CPSF3: variants seen among roughly 807,000 people sequenced by gnomAD.
CPSF3 encodes cleavage and polyadenylation specific factor 3.
In CPSF3, 57 loss-of-function variants were observed where a neutral mutation model predicts 84.1. The ratio of observed to expected loss-of-function variants is 0.68; its 90% CI spans 0.55 to 0.85. CPSF3 has a LOEUF of 0.85. Among genes scored for constraint, CPSF3 ranks in the 40% least tolerant of loss-of-function variants. The pLI is 0.00. For synonymous variants in CPSF3, 275 were observed against 278.1 expected (o/e 0.99, Z 0.11); for missense variants, 522 against 838.8 (o/e 0.62, Z 4.66).
chr2:9,469,688 C>CT (rs1487232154), intron 16 of CPSF3, among the ~76,000 whole-genome samples: 4 of 152,072 alleles, frequency 2.6e-5, no homozygotes, highest in African/African-American at 9.7e-5. Flanking sequence ...CTATTCAACT[C>CT]TGAGGAACAG....
chr2:9,464,052 A>G (rs2124864446), intron 15 of CPSF3, among the ~76,000 whole-genome samples: 1 of 151,198 alleles, frequency 6.6e-6, no homozygotes, highest in East Asian at 1.9e-4. Context: ...CACAACTTGT[A>G]TTTGTATCTG....
chr2:9,442,103 C>T (rs1019473974), intron 9 of CPSF3, 127 bp downstream of exon 9: 99 of 927,158 alleles, frequency 1.1e-4, no homozygotes, highest in Admixed American at 1.1e-4. Context: ...AAAATGAGGA[C>T]GGGAATAGGT....
chr2:9,452,970 C>T lies in CPSF3; in HGVS notation c.1453C>T (p.Leu485Phe), dbSNP rs147016409. ...ACAAGGCCAGCGGGTCTCAGGAATA[C>T]TTGTTAAAAGAAACTTTAATTATCA... ...PEQGQRVSGI[L>F]VKRNFNYHIL... The change falls in exon 12 of 18, where the codon CTT (leucine) becomes TTT (phenylalanine). Residue 485 changes from leucine to phenylalanine, a missense_variant. By Grantham distance (22) the Leu-to-Phe change is conservative. Transcript: ENST00000238112. 2 of 1,612,334 alleles carry T rather than the reference C, an allele frequency of 1.2e-6. No individual in the cohort carries two copies. The highest frequency in any genetic ancestry group is 1.7e-6 in the Non-Finnish European group (2 of 1,179,532).
chr2:9,427,801 A>C (rs2148933118), intron 1 of CPSF3, among the ~76,000 whole-genome samples: 1 of 152,300 alleles, frequency 6.6e-6, no homozygotes, highest in East Asian at 1.9e-4. Flanking sequence ...GGGAAAAGGC[A>C]TCAAAGAAGG....
intron 10 of CPSF3, among the ~76,000 whole-genome samples, chr2:9,446,115 G>C (rs1464652147): frequency 2.0e-5 from 3 of 152,186 alleles, no homozygotes; most frequent in Non-Finnish European, 4.4e-5. Context: ...CCACGTGCTG[G>C]TGCTGGCTAT....
At position 9,448,314 on chromosome 2, in the gene CPSF3, A is replaced by C; in HGVS notation, c.1359A>C (p.Ala453=). The C allele has an allele frequency of 6.2e-7, 1 of 1,613,518 alleles. No homozygotes were observed. Among genetic ancestry groups the C allele is most frequent in the Non-Finnish European group, 8.5e-7 (1 of 1,179,726 alleles). Residue 453 remains alanine (A), a synonymous_variant, in exon 11 of 18, where the codon GCA becomes GCC. Transcript: ENST00000238112. The part of the protein sequence containing the change: ...IEVHNPRNTE[A]VTLNFRGEKL... Reference sequence around the variant, plus strand: ...TTCATAATCCTCGGAATACAGAAGCAGTGACCTTAAACTTCAGAGGAGAAA... The same window carrying C: ...TTCATAATCCTCGGAATACAGAAGCCGTGACCTTAAACTTCAGAGGAGAAA...
chr2:9,473,100 G>T lies in CPSF3; in HGVS notation c.*83G>T. On this transcript the variant is annotated 3_prime_UTR_variant, in exon 18 of 18. Coordinates refer to ENST00000238112, the MANE Select transcript of CPSF3 (RefSeq NM_016207.4). ...ATAAAATGCATTCGTTTCTCTGGGG[G>T]AGCCTGTTTACTTTTAATGTCAAAT... The T allele has an allele frequency of 1.1e-6, 1 of 947,328 alleles. No individual in the cohort carries two copies. Among genetic ancestry groups the T allele is most frequent in the Non-Finnish European group, 1.6e-6 (1 of 615,802 alleles). 58.7% of individuals were successfully genotyped at this position (947,328 alleles called of 1,614,324 possible). A position where few individuals can be genotyped will look rare whatever the true frequency, so the allele number is the denominator to read the frequency against.
chr2:9,440,034 A>G (rs1370909339), intron 7 of CPSF3, among the ~76,000 whole-genome samples: 1 of 152,172 alleles, frequency 6.6e-6, no homozygotes, highest in Non-Finnish European at 1.5e-5. Context: ...TTAAGTGTTC[A>G]AAATCGGTTA....
intron 7 of CPSF3, among the ~76,000 whole-genome samples, chr2:9,440,025 T>C (rs1224763809): frequency 6.6e-6 from 1 of 152,058 alleles, no homozygotes; most frequent in Non-Finnish European, 1.5e-5. Flanking sequence ...ACTTTTTTTT[T>C]AAGTGTTCAA....
intron 10 of CPSF3, among the ~76,000 whole-genome samples, chr2:9,446,580 C>CAAAA (rs71389245): frequency 4.5e-5 from 4 of 89,148 alleles, no homozygotes; most frequent in Non-Finnish European, 8.5e-5. Context: ...GACTCGGTCT[C>CAAAA]AAAAAAAAAA....
chr2:9,470,561 C>T (rs573625298), intron 16 of CPSF3, among the ~76,000 whole-genome samples: 24 of 152,226 alleles, frequency 1.6e-4, no homozygotes, highest in Non-Finnish European at 2.5e-4. Context: ...CCTTCTTTAT[C>T]CCCAGCTACT....
At chr2:9,435,621 T>C (rs1225993672) in intron 6 of CPSF3, among the ~76,000 whole-genome samples, 1 of 151,722 alleles carries the variant, frequency 6.6e-6, no homozygotes, top group Non-Finnish European at 1.5e-5. Flanking sequence ...CGGGGTTTCA[T>C]CCTGTTGGTC....
chr2:9,429,389 G>C (rs950101712), intron 2 of CPSF3, among the ~76,000 whole-genome samples: 67 of 152,324 alleles, frequency 4.4e-4, no homozygotes, highest in African/African-American at 1.6e-3. Flanking sequence ...AATCTGAAAA[G>C]AACATGTATA....
At chr2:9,453,122 C>A (rs1681395804) in intron 12 of CPSF3, 101 bp downstream of exon 12, 1 of 668,722 alleles carries the variant, frequency 1.5e-6, no homozygotes, top group Non-Finnish European at 2.4e-6. Flanking sequence ...ATGTAATAGA[C>A]AAATAATAAA....
chr2:9,430,015 T>C lies in CPSF3; in HGVS notation c.207T>C (p.Ile69=), dbSNP rs1680525633. Residue 69 remains isoleucine (I), a synonymous_variant, in exon 3 of 18, where the codon ATT becomes ATC. Coordinates refer to ENST00000238112, the MANE Select transcript of CPSF3 (RefSeq NM_016207.4). ...IDPAEIDLLL[I]SHFHLDHCGA... is the part of the protein sequence containing the mutation. ...CAGCTGAGATTGATCTCCTATTAAT[T>C]AGTCAGTAAGTTTTTCCCTTTATTA... is the stretch of plus-strand genomic sequence containing the variant. 1 of 1,538,086 alleles carries C rather than the reference T, an allele frequency of 6.5e-7. No individual in the cohort carries two copies. The highest frequency in any genetic ancestry group is 8.8e-7 in the Non-Finnish European group (1 of 1,137,522).
chr2:9,449,889 C>T (rs916890548), intron 11 of CPSF3, among the ~76,000 whole-genome samples: 10 of 152,136 alleles, frequency 6.6e-5, no homozygotes, highest in Admixed American at 1.3e-4. Context: ...GATCACAACT[C>T]GTTTAGAAAT....
chr2:9,424,753 G>C (rs1458703346), intron 1 of CPSF3: 1 of 152,196 alleles, frequency 6.6e-6, no homozygotes, highest in Non-Finnish European at 1.5e-5. Flanking sequence ...ACGCAACAGA[G>C]GGCCCAGTTA....
intron 15 of CPSF3, among the ~76,000 whole-genome samples, chr2:9,463,366 A>G (rs1681797409): frequency 6.6e-6 from 1 of 152,240 alleles, no homozygotes; most frequent in Non-Finnish European, 1.5e-5. Flanking sequence ...CAGGTGGCAG[A>G]CAGTGGCTCA....
chr2:9,467,982 C>T, intron 16 of CPSF3: 1 of 467,148 alleles, frequency 2.1e-6, no homozygotes. Flanking sequence ...CTAGGTCAGC[C>T]GTTTGTGTTT....
Sources: allele counts gnomAD v4.1 joint callset (sites outside exome capture counted in the v4.1 genomes callset), GRCh38; gene constraint gnomAD v4.1.1; transcripts MANE v1.5; gene names NCBI Gene and HGNC (gene_info 2026-07-23, HGNC 2026-07-21).